The following LAMC2 variants were observed in gnomAD, a reference collection of about 807,000 sequenced individuals.
LAMC2 encodes the protein laminin subunit gamma-2.
Under a neutral mutation model 140.2 loss-of-function variants are expected in LAMC2, and 97 were observed. That is an observed-to-expected ratio of 0.69 (90% CI 0.59 to 0.82). The LOEUF (loss-of-function observed/expected upper bound fraction) is 0.82, where lower values mean the gene tolerates loss of function less well. LAMC2 is among the 40% of genes least tolerant of loss of function. The probability of loss-of-function intolerance (pLI) is 0.00; values close to 1 mark genes in which losing one functional copy is unlikely to be tolerated. For missense variants in LAMC2, 1,402 were observed against 1,476.1 expected (o/e 0.95, Z 0.82); for synonymous variants, 513 against 540.2 (o/e 0.95, Z 0.70).
At position 183,217,136 on chromosome 1, in the gene LAMC2, AG is replaced by A. The variant is rs528939214; in HGVS notation, c.405-1251del. ...GAATGTGAGGGAGAAGGAGGGGTCA[AG>A]GGTGCTCCAGGTTTGTGCAGGATTT... On this transcript the variant is annotated intron_variant, in intron 3 of 22. Coordinates refer to ENST00000264144, the MANE Select transcript of LAMC2 (RefSeq NM_005562.3). 1.8e-4 allele frequency among the ~76,000 whole-genome samples: 28 copies of A among 152,288 alleles called. No homozygotes were observed. In the South Asian group the frequency reaches 3.5e-3, roughly 19 times the overall value.
At chr1:183,200,782 G>T (rs1236945184) in intron 1 of LAMC2, among the ~76,000 whole-genome samples, 1 of 152,072 alleles carries the variant, frequency 6.6e-6, no homozygotes, top group Non-Finnish European at 1.5e-5. Context: ...TGCGTCTCTG[G>T]GTGAGTGTGG....
downstream of LAMC2, among the ~76,000 whole-genome samples, chr1:183,245,397 TA>T (rs1571545977): frequency 1.3e-5 from 2 of 152,364 alleles, no homozygotes; most frequent in East Asian, 3.9e-4. Flanking sequence ...TGTCTTGGCA[TA>T]CCCAATTACA....
chr1:183,195,691 G>C (rs1658490927), intron 1 of LAMC2, among the ~76,000 whole-genome samples: 1 of 152,202 alleles, frequency 6.6e-6, no homozygotes, highest in Non-Finnish European at 1.5e-5. Context: ...GCCTTAGTGA[G>C]AGAAGTACCA....
chr1:183,226,944 G>C, intron 9 of LAMC2, 28 bp downstream of exon 9: 1 of 1,572,076 alleles, frequency 6.4e-7, no homozygotes, highest in Non-Finnish European at 8.7e-7. Context: ...TGGACCAGGT[G>C]GCTGGGGTGT....
chr1:183,215,608 C>A lies in LAMC2; in HGVS notation c.404+20C>A. 1.9e-6 allele frequency: 3 copies of A among 1,614,006 alleles called. No individual in the cohort carries two copies. The highest frequency in any genetic ancestry group is 2.5e-6 in the Non-Finnish European group (3 of 1,179,906). On this transcript the variant is annotated intron_variant, in intron 3 of 22. Coordinates refer to ENST00000264144, the MANE Select transcript of LAMC2 (RefSeq NM_005562.3). ...ACTGCTGTGAGTATTTGCATCCCACCATGGCTGTCACTAACTCAGTGATGA... is the reference window on the plus strand; with the variant it reads ...ACTGCTGTGAGTATTTGCATCCCACAATGGCTGTCACTAACTCAGTGATGA...
chr1:183,245,821 A>G (rs530319723), downstream of LAMC2, among the ~76,000 whole-genome samples: 1 of 152,374 alleles, frequency 6.6e-6, no homozygotes, highest in African/African-American at 2.4e-5. Flanking sequence ...CCATTAGTTA[A>G]TAACCACGGT....
At chr1:183,252,786 A>G in the LAMC2 span, 24 of 1,449,936 alleles carry the variant, frequency 1.7e-5, no homozygotes, top group Non-Finnish European at 2.2e-5. Context: ...TCCACACCCA[A>G]AGCAAGTCAG....
intron 18 of LAMC2, among the ~76,000 whole-genome samples, 191 bp downstream of exon 18, chr1:183,237,695 G>A (rs905537521): frequency 4.6e-5 from 7 of 152,074 alleles, no homozygotes; most frequent in African/African-American, 1.4e-4. Flanking sequence ...CGTAGGCAAC[G>A]TAGTGAGGCC....
Position 183,230,970 on chromosome 1 carries a change from G to A in LAMC2, c.1724G>A (p.Cys575Tyr). 6.2e-7 allele frequency: 1 copy of A among 1,614,154 alleles called. No homozygotes were observed. Among genetic ancestry groups the A allele is most frequent in the East Asian group, 2.2e-5 (1 of 44,880 alleles). The part of the protein sequence containing the change: ...NPADKCRACN[C>Y]NPMGSEPVGC... ...TGTCTTTTGTCTCTAGCTTGCAACTGTAACCCCATGGGCTCAGAGCCTGTA... is the reference window on the plus strand; with the variant it reads ...TGTCTTTTGTCTCTAGCTTGCAACTATAACCCCATGGGCTCAGAGCCTGTA... Residue 575 changes from cysteine (C) to tyrosine (Y), a missense_variant, in exon 12 of 23, where the codon TGT (cysteine) becomes TAT (tyrosine). By Grantham distance (194) the Cys-to-Tyr change is radical. This residue lies in a region of LAMC2 where 723 missense variants were observed against 783.3 expected (regional missense o/e 0.92). Coordinates refer to ENST00000264144, the MANE Select transcript of LAMC2 (RefSeq NM_005562.3).
chr1:183,202,499 G>A (rs939541725), intron 1 of LAMC2, among the ~76,000 whole-genome samples: 8 of 152,122 alleles, frequency 5.3e-5, no homozygotes, highest in Non-Finnish European at 1.0e-4. Flanking sequence ...AAGAAAATCT[G>A]CAATAAAGTG....
intron 2 of LAMC2, among the ~76,000 whole-genome samples, chr1:183,211,329 C>T (rs982733868): frequency 6.6e-6 from 1 of 152,180 alleles, no homozygotes; most frequent in Non-Finnish European, 1.5e-5. Context: ...TGATATTGGA[C>T]TTACTCTCTT....
intron 5 of LAMC2, among the ~76,000 whole-genome samples, chr1:183,221,864 C>CA (rs1659484127): frequency 6.6e-6 from 1 of 152,004 alleles, no homozygotes; most frequent in African/African-American, 2.4e-5. Flanking sequence ...GAGTCAGACT[C>CA]AAAGATGAGA....
At chr1:183,230,052 C>T (rs1188933546) in intron 11 of LAMC2, among the ~76,000 whole-genome samples, 1 of 152,160 alleles carries the variant, frequency 6.6e-6, no homozygotes, top group Non-Finnish European at 1.5e-5. Flanking sequence ...CAAGAAAGCA[C>T]ACTATAAACA....
At chr1:183,227,804 C>T (rs953670729) in intron 10 of LAMC2, 107 bp downstream of exon 10, 34 of 1,029,162 alleles carry the variant, frequency 3.3e-5, no homozygotes, top group Middle Eastern at 5.6e-4. Flanking sequence ...ATAATGACTT[C>T]GGGTTCACCC....
Position 183,234,350 on chromosome 1 carries a change from T to G in LAMC2, c.2221-17T>G, listed in dbSNP as rs1345671671. The G allele has an allele frequency of 6.2e-7, 1 of 1,608,304 alleles. No homozygotes were observed. The highest frequency in any genetic ancestry group is 2.2e-5 in the East Asian group (1 of 44,864). ...GCCTTAACCGATTCGCCTTAACCGA[T>G]TCTCCTTTTCCCACAGAACATTCCT... On this transcript the variant is annotated splice_polypyrimidine_tract_variant and intron_variant, in intron 14 of 22. Transcript: ENST00000264144.
At chr1:183,193,939 C>G (rs912713559) in intron 1 of LAMC2, among the ~76,000 whole-genome samples, 1 of 151,078 alleles carries the variant, frequency 6.6e-6, no homozygotes, top group Non-Finnish European at 1.5e-5. Context: ...TTAGGCAATA[C>G]AGTGTTTTTG....
intron 9 of LAMC2, among the ~76,000 whole-genome samples, chr1:183,227,174 C>T (rs1226554829): frequency 6.6e-6 from 1 of 152,010 alleles, no homozygotes; most frequent in Non-Finnish European, 1.5e-5. Context: ...GAGTTGGTGT[C>T]GAGTTCCAAG....
Position 183,232,793 on chromosome 1 carries a change from C to T in LAMC2, c.2156C>T (p.Thr719Ile). The stretch of plus-strand genomic sequence containing the variant: ...CAGTACCAGAACCGAGTTCGGGATA[C>T]TCACAGGCTCATCACTCAGATGCAG... ...GSQYQNRVRD[T>I]HRLITQMQLS... is the part of the protein sequence containing the mutation. Residue 719 changes from threonine to isoleucine, a missense_variant, in exon 14 of 23, where the codon ACT (threonine) becomes ATT (isoleucine). This residue lies in a region of LAMC2 where 670 missense variants were observed against 667.2 expected (regional missense o/e 1.00). Coordinates refer to ENST00000264144, the MANE Select transcript of LAMC2 (RefSeq NM_005562.3). The T allele has an allele frequency of 1.2e-6, 2 of 1,614,130 alleles. No homozygotes were observed. The highest frequency in any genetic ancestry group is 1.7e-6 in the Non-Finnish European group (2 of 1,179,984).
intron 7 of LAMC2, 52 bp from the exon 8 acceptor site, chr1:183,225,556 A>G: frequency 6.0e-6 from 7 of 1,172,012 alleles, no homozygotes; most frequent in Non-Finnish European, 7.7e-6. Context: ...TATAACAGGT[A>G]GGTATGTGGT....
Sources: allele counts gnomAD v4.1 joint callset (sites outside exome capture counted in the v4.1 genomes callset), GRCh38; gene constraint gnomAD v4.1.1; regional missense constraint gnomAD v4.1.1; transcripts MANE v1.5; gene names NCBI Gene and HGNC (gene_info 2026-07-23, HGNC 2026-07-21).